DRAXIN: variants seen among roughly 807,000 people sequenced by gnomAD.
DRAXIN encodes the protein dorsal repulsive axon guidance protein.
A neutral mutation model predicts 33.9 loss-of-function variants in DRAXIN; 27 were observed. The ratio of observed to expected loss-of-function variants is 0.80; its 90% confidence interval spans 0.59 to 1.10. The LOEUF (loss-of-function observed/expected upper bound fraction) is 1.10. DRAXIN is among the 50% of genes least tolerant of loss of function. The probability of loss-of-function intolerance (pLI) is 0.00; values close to 1 mark genes in which losing one functional copy is unlikely to be tolerated. For synonymous variants in DRAXIN, 178 were observed against 194.0 expected (o/e 0.92, Z 0.69); for missense variants, 371 against 460.8 (o/e 0.81, Z 1.78).
intron 5 of DRAXIN, among the ~76,000 whole-genome samples, chr1:11,713,009 C>T (rs7544274): frequency 0.019 from 2,934 of 152,028 alleles, 72 homozygotes; most frequent in African/African-American, 0.054. Context: ...ACCAGCCTAA[C>T]CAACATGGTG....
intron 6 of DRAXIN, among the ~76,000 whole-genome samples, chr1:11,719,186 G>C (rs763701282): frequency 6.6e-6 from 1 of 152,220 alleles, no homozygotes; most frequent in Non-Finnish European, 1.5e-5. Context: ...TTATAGGCGT[G>C]AGCCACCGTG....
intron 5 of DRAXIN, among the ~76,000 whole-genome samples, chr1:11,713,455 T>C (rs949929257): frequency 6.6e-6 from 1 of 152,208 alleles, no homozygotes; most frequent in African/African-American, 2.4e-5. Context: ...GAGATGCTTT[T>C]GGTGACATCC....
chr1:11,706,604 G>T lies in DRAXIN; in HGVS notation c.346G>T (p.Ala116Ser), dbSNP rs1199063897. The T allele has an allele frequency of 6.2e-7, 1 of 1,604,156 alleles. No homozygotes were observed. The highest frequency in any genetic ancestry group is 1.3e-5 in the African/African-American group (1 of 74,918). Reference sequence around the variant, plus strand: ...GGACAAGGACCTGCTCCTGGGACTGGCATTGCCCTACCCCGAGAAGGAGAA... The same window carrying T: ...GGACAAGGACCTGCTCCTGGGACTGTCATTGCCCTACCCCGAGAAGGAGAA... ...LQDKDLLLGL[A>S]LPYPEKENRP... The change falls in exon 2 of 7, where the codon GCA (alanine) becomes TCA (serine). Residue 116 changes from alanine (A) to serine (S), a missense_variant. Ala to Ser is a moderately conservative substitution (Grantham distance 99). Coordinates refer to ENST00000294485, the MANE Select transcript of DRAXIN (RefSeq NM_198545.4). The surrounding 1 kb of genome is among the most constrained non-coding windows in gnomAD (Gnocchi z 5.5).
chr1:11,706,603 G>A lies in DRAXIN; in HGVS notation c.345G>A (p.Leu115=). Residue 115 remains leucine (L), a synonymous_variant, in exon 2 of 7, where the codon CTG becomes CTA. Coordinates refer to ENST00000294485, the MANE Select transcript of DRAXIN (RefSeq NM_198545.4). The surrounding 1 kb of genome is among the most constrained non-coding windows in gnomAD (Gnocchi z 5.5). ...AGGACAAGGACCTGCTCCTGGGACTGGCATTGCCCTACCCCGAGAAGGAGA... is the reference window on the plus strand; with the variant it reads ...AGGACAAGGACCTGCTCCTGGGACTAGCATTGCCCTACCCCGAGAAGGAGA... ...LLQDKDLLLG[L]ALPYPEKENR... The A allele has an allele frequency of 6.2e-7, 1 of 1,604,772 alleles. No individual in the cohort carries two copies. Among genetic ancestry groups the A allele is most frequent in the Non-Finnish European group, 8.5e-7 (1 of 1,179,490 alleles).
intron 2 of DRAXIN, among the ~76,000 whole-genome samples, chr1:11,708,230 C>G (rs1365664595): frequency 3.3e-5 from 5 of 152,234 alleles, no homozygotes; most frequent in Admixed American, 3.3e-4. Context: ...GCAGCCAGGC[C>G]TCCTGGGAGA....
Position 11,706,766 on chromosome 1 carries a change from G to T in DRAXIN, c.451+57G>T, listed in dbSNP as rs1279236609. On this transcript the variant is annotated intron_variant, in intron 2 of 6. Coordinates refer to ENST00000294485, the MANE Select transcript of DRAXIN (RefSeq NM_198545.4). This position sits in a 1 kb window ranked among gnomAD's most constrained non-coding sequence, Gnocchi z 5.5. ...GGGTGATTCCTGCCATGGACTGAGG[G>T]GAGCAGGAGAGGATGCAGGCAAGGG... 2.0e-6 allele frequency: 3 copies of T among 1,468,028 alleles called. No individual in the cohort carries two copies. Among genetic ancestry groups the T allele is most frequent in the Non-Finnish European group, 2.7e-6 (3 of 1,107,528 alleles). 90.9% of individuals were successfully genotyped at this position (1,468,028 alleles called of 1,614,324 possible).
chr1:11,711,745 A>C, intron 3 of DRAXIN, 106 bp from the exon 4 acceptor site: 1 of 1,000,138 alleles, frequency 1.0e-6, no homozygotes, highest in East Asian at 2.6e-5. Flanking sequence ...GCAGAGGATA[A>C]GGTGGCCTCT....
chr1:11,703,261 C>T (rs1019298108), intron 1 of DRAXIN, among the ~76,000 whole-genome samples: 7 of 152,190 alleles, frequency 4.6e-5, no homozygotes, highest in African/African-American at 7.2e-5. Flanking sequence ...TGTGGGAGCA[C>T]CAAGCGGAGA....
chr1:11,713,198 C>CAA (rs58232887), intron 5 of DRAXIN, among the ~76,000 whole-genome samples: 23 of 145,030 alleles, frequency 1.6e-4, no homozygotes, highest in South Asian at 4.4e-4. Context: ...AATTCCGTCT[C>CAA]AAAAAAAAAA....
rs1264312322 is a variant in DRAXIN, at chr1:11,720,828, CA to C, written c.*1133del. On this transcript the variant is annotated 3_prime_UTR_variant, in exon 7 of 7. Transcript: ENST00000294485. ...TAAGGCTTTTGGCAAGAGAGGCTCA[CA>C]CCCTGGTATTCCCTTCCTCTGTGGC... 1 of 152,226 alleles carries C rather than the reference CA, an allele frequency of 6.6e-6. No individual in the cohort carries two copies. The highest frequency in any genetic ancestry group is 1.5e-5 in the Non-Finnish European group (1 of 68,040). 9.4% of individuals were successfully genotyped at this position (152,226 alleles called of 1,614,324 possible).
chr1:11,710,731 G>A (rs539415733), intron 3 of DRAXIN, among the ~76,000 whole-genome samples: 13 of 145,964 alleles, frequency 8.9e-5, no homozygotes, highest in South Asian at 8.6e-4. Context: ...TGGCTAACAT[G>A]GTGAAACCCC....
In DRAXIN at chr1:11,705,740, G is replaced by A. The variant is rs1325268068; in HGVS notation, c.-10-509G>A. The stretch of plus-strand genomic sequence containing the variant: ...GCGAAGTGACATGAATTCACACAAA[G>A]CACTTAACGTGGGTCCTGCCTACAG... On this transcript the variant is annotated intron_variant, in intron 1 of 6. Coordinates refer to ENST00000294485, the MANE Select transcript of DRAXIN (RefSeq NM_198545.4). This position sits in a 1 kb window ranked among gnomAD's most constrained non-coding sequence, Gnocchi z 4.8. Among the ~76,000 whole-genome samples the A allele has an allele frequency of 6.6e-6, 1 of 152,176 alleles. No individual in the cohort carries two copies. The highest frequency in any genetic ancestry group is 1.5e-5 in the Non-Finnish European group (1 of 68,030).
rs1211622362 is a variant in DRAXIN, at chr1:11,724,491, G to A, written c.*4795G>A. ...ATGACATGAGGGCCAAGGCTTGTGG[G>A]AAAATGACAGCTTCACAGCCCCTTG... On this transcript the variant is annotated 3_prime_UTR_variant, in exon 7 of 7. Transcript: ENST00000294485. 1.3e-5 allele frequency: 2 copies of A among 152,282 alleles called. No homozygotes were observed. The highest frequency in any genetic ancestry group is 2.9e-5 in the Non-Finnish European group (2 of 68,086). 9.4% of individuals were successfully genotyped at this position (152,282 alleles called of 1,614,324 possible).
Position 11,706,854 on chromosome 1 carries a change from G to A in DRAXIN, c.451+145G>A. The A allele has an allele frequency of 3.3e-6, 3 of 904,436 alleles. No individual in the cohort carries two copies. Among genetic ancestry groups the A allele is most frequent in the African/African-American group, 1.7e-5 (1 of 59,504 alleles). The allele number at this position is 904,436 out of a possible 1,614,324, so 56.0% of individuals were successfully genotyped here. A position where few individuals can be genotyped will look rare whatever the true frequency, so the allele number is the denominator to read the frequency against. ...CTGAAGCCAGAGGGACCTGGTAAGG[G>A]GAGGAGGCTGGGAGAGGCCTGGGGT... is the stretch of plus-strand genomic sequence containing the variant. On this transcript the variant is annotated intron_variant, in intron 2 of 6. Coordinates refer to ENST00000294485, the MANE Select transcript of DRAXIN (RefSeq NM_198545.4). The surrounding 1 kb of genome is among the most constrained non-coding windows in gnomAD (Gnocchi z 5.5).
chr1:11,719,795 T>G lies in DRAXIN; in HGVS notation c.*99T>G. ...GAGATCAAGTTGGGGAACAGATGGCTGAGGCTGCAGACTCAGGCCCAGGAC... is the reference window on the plus strand; with the variant it reads ...GAGATCAAGTTGGGGAACAGATGGCGGAGGCTGCAGACTCAGGCCCAGGAC... On this transcript the variant is annotated 3_prime_UTR_variant, in exon 7 of 7. Coordinates refer to ENST00000294485, the MANE Select transcript of DRAXIN (RefSeq NM_198545.4). The G allele has an allele frequency of 9.1e-7, 1 of 1,103,656 alleles. No individual in the cohort carries two copies. Among genetic ancestry groups the G allele is most frequent in the Admixed American group, 2.0e-5 (1 of 49,616 alleles). 68.4% of individuals were successfully genotyped at this position (1,103,656 alleles called of 1,614,324 possible). A position where few individuals can be genotyped will look rare whatever the true frequency, so the allele number is the denominator to read the frequency against.
chr1:11,691,063 C>A (rs1641053479), upstream of DRAXIN, among the ~76,000 whole-genome samples: 1 of 152,186 alleles, frequency 6.6e-6, no homozygotes, highest in African/African-American at 2.4e-5. Flanking sequence ...CCCTTTGTAC[C>A]CCTACATCCA....
chr1:11,723,652 G>A lies in DRAXIN; in HGVS notation c.*3956G>A, dbSNP rs1016464365. 3 of 151,688 alleles carry A rather than the reference G, an allele frequency of 2.0e-5. No individual in the cohort carries two copies. The highest frequency in any genetic ancestry group is 7.3e-5 in the African/African-American group (3 of 41,218). The allele number at this position is 151,688 out of a possible 1,614,324, so 9.4% of individuals were successfully genotyped here. A position where few individuals can be genotyped will look rare whatever the true frequency, so the allele number is the denominator to read the frequency against. On this transcript the variant is annotated 3_prime_UTR_variant, in exon 7 of 7. Coordinates refer to ENST00000294485, the MANE Select transcript of DRAXIN (RefSeq NM_198545.4). ...TTGTTGCCCAGGCTGGAGTGCAGTG[G>A]CACGATCTCGGCTCACTGCGACCTC...
upstream of DRAXIN, among the ~76,000 whole-genome samples, chr1:11,688,848 A>G (rs1349100514): frequency 6.6e-6 from 1 of 152,192 alleles, no homozygotes; most frequent in African/African-American, 2.4e-5. The surrounding 1 kb of genome is among the most constrained non-coding windows in gnomAD (Gnocchi z 4.6). Flanking sequence ...TGCTGATAAA[A>G]CAGTTTGCAG....
intron 1 of DRAXIN, among the ~76,000 whole-genome samples, chr1:11,700,726 C>T (rs1357082637): frequency 2.6e-5 from 4 of 152,304 alleles, no homozygotes; most frequent in African/African-American, 7.2e-5. Context: ...GGGGGGTTGC[C>T]TGCTTCACAT....
Sources: allele counts gnomAD v4.1 joint callset (sites outside exome capture counted in the v4.1 genomes callset), GRCh38; gene constraint gnomAD v4.1.1; non-coding constraint Gnocchi (gnomAD v3.1); transcripts MANE v1.5; gene names NCBI Gene and HGNC (gene_info 2026-07-23, HGNC 2026-07-21).